The following PCDHAC1 variants were observed in gnomAD, a reference collection of about 807,000 sequenced individuals.
PCDHAC1 encodes the protein protocadherin alpha subfamily C, 1, also known as protocadherin alpha-C1.
PCDHAC1 carries 42 observed loss-of-function variants against 60.0 expected under a neutral mutation model. That is an observed-to-expected ratio of 0.70 (90% CI 0.55 to 0.90). PCDHAC1 has a LOEUF of 0.90. PCDHAC1 is among the 40% of genes least tolerant of loss of function. The probability of loss-of-function intolerance (pLI) is 0.00; values close to 1 mark genes in which losing one functional copy is unlikely to be tolerated. For missense variants in PCDHAC1, 1,160 were observed against 1,222.3 expected, an observed-to-expected ratio of 0.95 and a Z score of 0.76; for synonymous variants, 468 against 499.3, an observed-to-expected ratio of 0.94 and a Z score of 0.84.
intron 1 of PCDHAC1, among the ~76,000 whole-genome samples, chr5:140,962,849 T>G (rs1434907172): frequency 6.6e-6 from 1 of 152,214 alleles, no homozygotes; most frequent in Non-Finnish European, 1.5e-5. Context: ...ATATAACTTG[T>G]GCTCGGTTTG....
At chr5:140,943,139 T>A (rs2093424349) in intron 1 of PCDHAC1, among the ~76,000 whole-genome samples, 2 of 151,168 alleles carry the variant, frequency 1.3e-5, no homozygotes, top group Admixed American at 6.6e-5. Context: ...GTGCCTGTAG[T>A]CCCAGCTACT....
rs1554205708 is a variant in PCDHAC1 at position 140,928,289 on chromosome 5, G to A, written c.1397G>A (p.Arg466Gln). 3.1e-6 allele frequency: 5 copies of A among 1,614,170 alleles called. No individual in the cohort carries two copies. In the East Asian group the frequency reaches 6.7e-5, roughly 22 times the overall value. The part of the protein sequence containing the change: ...ENNGPGASLG[R>Q]VFAQDPDLGK... ...AATGGCCCTGGGGCCTCTCTAGGCC[G>A]AGTGTTTGCCCAGGACCCCGACCTG... is the stretch of plus-strand genomic sequence containing the variant. Residue 466 changes from arginine (R) to glutamine (Q), a missense_variant, in exon 1 of 4, where the codon CGA becomes CAA. Around this residue, in one of 3 missense-constraint regions of PCDHAC1, gnomAD observed 1,113 missense variants for 1,163.7 expected, o/e 0.96. Coordinates refer to ENST00000253807, the MANE Select transcript of PCDHAC1 (RefSeq NM_018898.5).
intron 3 of PCDHAC1, among the ~76,000 whole-genome samples, chr5:141,007,395 C>CAAAAAAAAA (rs35800918): frequency 8.4e-5 from 8 of 94,856 alleles, no homozygotes; most frequent in East Asian, 2.9e-4. Context: ...TACTAAAATA[C>CAAAAAAAAA]AAAAAAAAAA....
chr5:140,960,258 T>G (rs551623092), intron 1 of PCDHAC1, among the ~76,000 whole-genome samples: 1 of 152,248 alleles, frequency 6.6e-6, no homozygotes, highest in Non-Finnish European at 1.5e-5. Context: ...CTGGAGCTTC[T>G]GATAAATTCC....
chr5:140,951,176 A>G (rs1392502599), intron 1 of PCDHAC1, among the ~76,000 whole-genome samples: 1 of 151,676 alleles, frequency 6.6e-6, no homozygotes, highest in Non-Finnish European at 1.5e-5. Context: ...CTTTAAAGTC[A>G]TTGTCCGCTA....
At chr5:140,984,680 AT>A (rs1180119303) in intron 3 of PCDHAC1, among the ~76,000 whole-genome samples, 1 of 152,158 alleles carries the variant, frequency 6.6e-6, no homozygotes, top group East Asian at 1.9e-4. Context: ...TTAGGACTCA[AT>A]ATATGTTCTG....
intron 1 of PCDHAC1, chr5:140,967,804 A>G (rs1168632160): frequency 6.2e-7 from 1 of 1,614,090 alleles, no homozygotes; most frequent in Admixed American, 1.7e-5. Flanking sequence ...TGCCCATGGC[A>G]GGTCACTGCA....
chr5:140,967,052 A>C (rs1554229118), intron 1 of PCDHAC1: 1 of 1,612,532 alleles, frequency 6.2e-7, no homozygotes, highest in Non-Finnish European at 8.5e-7. Context: ...GGACCTGACG[A>C]GTGGAGCGCT....
At position 141,010,449 on chromosome 5, in the gene PCDHAC1, C is replaced by T. The variant is rs764975082; in HGVS notation, c.*512C>T. ...CAAGAAAACAAAGACAAATAAACAG[C>T]GGAAGTTATCAGTATGGAGGGGAAG... On this transcript the variant is annotated 3_prime_UTR_variant, in exon 4 of 4. Coordinates refer to ENST00000253807, the MANE Select transcript of PCDHAC1 (RefSeq NM_018898.5). 14 of 915,348 alleles carry T rather than the reference C, an allele frequency of 1.5e-5. No homozygotes were observed. Among genetic ancestry groups the T allele is most frequent in the Non-Finnish European group, 2.1e-5 (13 of 631,774 alleles). 56.7% of individuals were successfully genotyped at this position (915,348 alleles called of 1,614,324 possible).
intron 3 of PCDHAC1, among the ~76,000 whole-genome samples, chr5:140,983,980 G>A (rs1169839423): frequency 6.6e-6 from 1 of 152,286 alleles, no homozygotes; most frequent in African/African-American, 2.4e-5. Flanking sequence ...AAATATACGA[G>A]TTGAAGCAAT....
Position 140,928,982 on chromosome 5 carries a change from G to T in PCDHAC1, c.2090G>T (p.Gly697Val). The change falls in exon 1 of 4, where the codon GGG (glycine) becomes GTG (valine). Residue 697 changes from glycine to valine, a missense_variant. Gly to Val is a moderately radical substitution (Grantham distance 109). This residue lies in a region of PCDHAC1 where 1,113 missense variants were observed against 1,163.7 expected (regional missense o/e 0.96). Coordinates refer to ENST00000253807, the MANE Select transcript of PCDHAC1 (RefSeq NM_018898.5). ...GCTTGTATTTCCTTTTTATTTCTGG[G>T]GTGCTTACTTTTCTTCGTGTGTACC... ...ALACISFLFL[G>V]CLLFFVCTKL... 1 of 1,613,824 alleles carries T rather than the reference G, an allele frequency of 6.2e-7. No homozygotes were observed. Among genetic ancestry groups the T allele is most frequent in the Non-Finnish European group, 8.5e-7 (1 of 1,179,900 alleles).
chr5:140,998,438 A>T (rs114296649), intron 3 of PCDHAC1, among the ~76,000 whole-genome samples: 1,585 of 152,188 alleles, frequency 0.01, 12 homozygotes, highest in Middle Eastern at 0.058. Flanking sequence ...TAACACTATT[A>T]TTGTATTTAT....
At position 141,010,020 on chromosome 5, in the gene PCDHAC1, TTCCTA is replaced by T. The variant is rs1554262638; in HGVS notation, c.*86_*90del. 6.4e-7 allele frequency: 1 copy of T among 1,572,330 alleles called. No individual in the cohort carries two copies. Among genetic ancestry groups the T allele is most frequent in the Non-Finnish European group, 8.6e-7 (1 of 1,163,268 alleles). On this transcript the variant is annotated 3_prime_UTR_variant, in exon 4 of 4. Coordinates refer to ENST00000253807, the MANE Select transcript of PCDHAC1 (RefSeq NM_018898.5). ...CCATGTAGCAATTCCCTGCTCCTTT[TTCCTA>T]TCTACATGAGCCCTCTTAGAGACCT...
chr5:140,990,605 A>T (rs1234326404), intron 3 of PCDHAC1, among the ~76,000 whole-genome samples: 4 of 152,214 alleles, frequency 2.6e-5, no homozygotes, highest in Non-Finnish European at 4.4e-5. Flanking sequence ...GAGTCAGATG[A>T]ATACCGTAAA....
chr5:140,929,325 G>A lies in PCDHAC1; in HGVS notation c.2433G>A (p.Met811Ile), dbSNP rs782073530. 4 of 1,538,392 alleles carry A rather than the reference G, an allele frequency of 2.6e-6. No individual in the cohort carries two copies. The highest frequency in any genetic ancestry group is 3.5e-6 in the Non-Finnish European group (4 of 1,140,260). ...RKGDHANVNA[M>I]PRQPNPDWRY... Reference sequence around the variant, plus strand: ...GGGATCACGCTAATGTCAATGCCATGGTAAGCAAATTTTATGGAATTTGAT... The same window carrying A: ...GGGATCACGCTAATGTCAATGCCATAGTAAGCAAATTTTATGGAATTTGAT... The change falls in exon 1 of 4, where the codon ATG (methionine) becomes ATA (isoleucine). Residue 811 changes from methionine (M) to isoleucine (I), a missense_variant and splice_region_variant. Physicochemically the swap from Met to Ile is conservative, Grantham distance 10. Transcript: ENST00000253807.
At position 140,928,017 on chromosome 5, in the gene PCDHAC1, C is replaced by T. The variant is rs782665827; in HGVS notation, c.1125C>T (p.Val375=). The T allele has an allele frequency of 1.2e-6, 2 of 1,614,064 alleles. No homozygotes were observed. Among genetic ancestry groups the T allele is most frequent in the East Asian group, 4.5e-5 (2 of 44,882 alleles). ...AAGACCTCGATTCTAATGGTAGGGT[C>T]ATTTGTGGCATGTCTAGTGCAGGCC... The part of the protein sequence containing the change: ...KDEDLDSNGR[V]ICGMSSAGPF... The change falls in exon 1 of 4, where the codon GTC becomes GTT. Residue 375 remains valine (V), a synonymous_variant. Transcript: ENST00000253807.
At chr5:140,994,178 A>G (rs2097601690) in intron 3 of PCDHAC1, among the ~76,000 whole-genome samples, 1 of 152,226 alleles carries the variant, frequency 6.6e-6, no homozygotes, top group Admixed American at 6.5e-5. Context: ...AAGCTGGGAC[A>G]AACCACCAGG....
At chr5:140,943,846 A>C (rs1209903373) in intron 1 of PCDHAC1, among the ~76,000 whole-genome samples, 1 of 152,242 alleles carries the variant, frequency 6.6e-6, no homozygotes, top group African/African-American at 2.4e-5. Context: ...GTAAGATGTC[A>C]CAGAAGTCAA....
intron 1 of PCDHAC1, among the ~76,000 whole-genome samples, chr5:140,975,004 T>C (rs1464460351): frequency 2.6e-5 from 4 of 152,170 alleles, no homozygotes; most frequent in African/African-American, 9.7e-5. Flanking sequence ...AAGGCTGAAA[T>C]GAACACAGCT....
Sources: allele counts gnomAD v4.1 joint callset (sites outside exome capture counted in the v4.1 genomes callset), GRCh38; gene constraint gnomAD v4.1.1; regional missense constraint gnomAD v4.1.1; transcripts MANE v1.5; gene names NCBI Gene and HGNC (gene_info 2026-07-23, HGNC 2026-07-21).